Variants in CFAP299 observed in about 807,000 individuals in gnomAD.
The protein encoded by CFAP299 is cilia- and flagella-associated protein 299.
A neutral mutation model predicts 27.0 loss-of-function variants in CFAP299; 21 were observed. The ratio of observed to expected loss-of-function variants is 0.78; its 90% CI spans 0.55 to 1.12. CFAP299 has a LOEUF of 1.12. Among genes scored for constraint, CFAP299 ranks in the 50% most tolerant of loss-of-function variants. The pLI is 0.00. For synonymous variants in CFAP299, 104 were observed against 98.1 expected, an observed-to-expected ratio of 1.06 and a Z score of -0.36; for missense variants, 310 against 276.6, an observed-to-expected ratio of 1.12 and a Z score of -0.86.
At chr4:80,513,366 A>G (rs974704039) in intron 2 of CFAP299, among the ~76,000 whole-genome samples, 1 of 152,190 alleles carries the variant, frequency 6.6e-6, no homozygotes, top group African/African-American at 2.4e-5. Context: ...TGTTTGCTGT[A>G]TAACACAGTC....
At chr4:80,637,035 G>A (rs1028196018) in intron 3 of CFAP299, among the ~76,000 whole-genome samples, 1 of 152,050 alleles carries the variant, frequency 6.6e-6, no homozygotes, top group African/African-American at 2.4e-5. Flanking sequence ...ACTCCACTCT[G>A]AATCAATAAA....
chr4:80,818,994 A>G (rs1245745082), intron 3 of CFAP299, among the ~76,000 whole-genome samples: 1 of 152,130 alleles, frequency 6.6e-6, no homozygotes, highest in African/African-American at 2.4e-5. Flanking sequence ...GAGATGGATG[A>G]TCACTTAAAA....
intron 2 of CFAP299, among the ~76,000 whole-genome samples, chr4:80,377,185 A>G (rs1424779962): frequency 6.6e-6 from 1 of 152,080 alleles, no homozygotes; most frequent in Non-Finnish European, 1.5e-5. Flanking sequence ...CTATGTAAGA[A>G]TTATTTGAAT....
In CFAP299 at chr4:80,362,891, G is replaced by A. The variant is rs761050307; in HGVS notation, c.242+7G>A. The A allele has an allele frequency of 3.1e-6, 5 of 1,596,468 alleles. No individual in the cohort carries two copies. The highest frequency in any genetic ancestry group is 3.4e-6 in the Non-Finnish European group (4 of 1,175,198). On this transcript the variant is annotated splice_region_variant and intron_variant, in intron 2 of 5. Coordinates refer to ENST00000358105, the MANE Select transcript of CFAP299 (RefSeq NM_152770.3). ...CTGAAAGAGCTCAGCAAAAGTAAGTGTCCATGTTCCAAATCCAGATTTTAT... is the reference window on the plus strand; with the variant it reads ...CTGAAAGAGCTCAGCAAAAGTAAGTATCCATGTTCCAAATCCAGATTTTAT...
intron 3 of CFAP299, among the ~76,000 whole-genome samples, chr4:80,675,829 T>C (rs1422590552): frequency 6.6e-6 from 1 of 152,226 alleles, no homozygotes; most frequent in East Asian, 1.9e-4. Context: ...GCTCCACGGG[T>C]GTGGGACCTG....
At chr4:80,851,306 T>G (rs1731510033) in intron 3 of CFAP299, among the ~76,000 whole-genome samples, 1 of 152,172 alleles carries the variant, frequency 6.6e-6, no homozygotes, top group Non-Finnish European at 1.5e-5. Context: ...TTTTTAAGCA[T>G]CTACTATGAG....
At chr4:80,457,633 A>G (rs1729230956) in intron 2 of CFAP299, among the ~76,000 whole-genome samples, 1 of 152,184 alleles carries the variant, frequency 6.6e-6, no homozygotes, top group African/African-American at 2.4e-5. Context: ...CTCCTGAGCC[A>G]ACACTATTTT....
At chr4:80,327,960 A>G in the CFAP299 span, among the ~76,000 whole-genome samples, 4 of 151,828 alleles carry the variant, frequency 2.6e-5, no homozygotes, top group Non-Finnish European at 1.5e-5. Flanking sequence ...AGCTAAGAGA[A>G]GAAGGTATTT....
At chr4:80,629,447 G>C (rs1560666053) in intron 3 of CFAP299, among the ~76,000 whole-genome samples, 1 of 152,094 alleles carries the variant, frequency 6.6e-6, no homozygotes, top group East Asian at 1.9e-4. Context: ...AATGCTGAGA[G>C]AGTAGATGTT....
chr4:80,611,722 G>A (rs940666000), intron 3 of CFAP299, among the ~76,000 whole-genome samples: 6 of 152,054 alleles, frequency 3.9e-5, no homozygotes, highest in Non-Finnish European at 7.4e-5. Flanking sequence ...TCTCTTGGAC[G>A]TTTTGAGGAT....
At chr4:80,369,760 G>A (rs1264645010) in intron 2 of CFAP299, among the ~76,000 whole-genome samples, 2 of 152,174 alleles carry the variant, frequency 1.3e-5, no homozygotes, top group African/African-American at 2.4e-5. Flanking sequence ...GTTTTCCTTG[G>A]TGAGTATCCT....
At chr4:80,580,459 T>A (rs1185455416) in intron 2 of CFAP299, among the ~76,000 whole-genome samples, 1 of 151,962 alleles carries the variant, frequency 6.6e-6, no homozygotes, top group African/African-American at 2.4e-5. Context: ...AGACTAAATC[T>A]ATTGACACTT....
chr4:80,410,906 G>C (rs983570939), intron 2 of CFAP299, among the ~76,000 whole-genome samples: 3 of 151,752 alleles, frequency 2.0e-5, no homozygotes, highest in African/African-American at 7.3e-5. Flanking sequence ...CCTTAATACT[G>C]GCAGCTTTTG....
chr4:80,829,939 G>T (rs779727972), intron 3 of CFAP299, among the ~76,000 whole-genome samples: 7 of 152,006 alleles, frequency 4.6e-5, no homozygotes, highest in South Asian at 4.1e-4. Flanking sequence ...GGGAATGGGA[G>T]CTTATTGCTT....
chr4:80,837,818 T>C (rs1362764762), intron 3 of CFAP299, among the ~76,000 whole-genome samples: 3 of 152,204 alleles, frequency 2.0e-5, no homozygotes, highest in African/African-American at 7.2e-5. Context: ...ATGGTATTTC[T>C]GGTTCTAAAA....
At chr4:80,348,610 G>C (rs915618286) in intron 1 of CFAP299, among the ~76,000 whole-genome samples, 1 of 151,928 alleles carries the variant, frequency 6.6e-6, no homozygotes, top group African/African-American at 2.4e-5. Context: ...AAGAGTTTGA[G>C]TGAGAACTTG....
chr4:80,390,720 C>CATATATGTGTATATATGTATATATGT (rs1208322596), intron 2 of CFAP299, among the ~76,000 whole-genome samples: 2 of 138,164 alleles, frequency 1.4e-5, no homozygotes, highest in South Asian at 2.2e-4. Context: ...TGTATACACA[C>CATATATGTGTATATATGTATATATGT]ATACATGTAT....
chr4:80,890,299 C>A (rs1030831804), intron 4 of CFAP299, among the ~76,000 whole-genome samples: 1 of 151,970 alleles, frequency 6.6e-6, no homozygotes, highest in African/African-American at 2.4e-5. Context: ...ACAAAATCAA[C>A]ATATAAAAAT....
chr4:80,891,242 G>T (rs1289894275), intron 4 of CFAP299, among the ~76,000 whole-genome samples: 1 of 149,406 alleles, frequency 6.7e-6, no homozygotes, highest in East Asian at 2.0e-4. Context: ...TTTGTATAAG[G>T]TGTAAGGAAG....
Sources: allele counts gnomAD v4.1 joint callset (sites outside exome capture counted in the v4.1 genomes callset), GRCh38; gene constraint gnomAD v4.1.1; transcripts MANE v1.5; gene names NCBI Gene and HGNC (gene_info 2026-07-23, HGNC 2026-07-21).